DIP2C: variants seen among roughly 807,000 people sequenced by gnomAD.
DIP2C encodes disco-interacting protein 2 homolog C.
A neutral mutation model predicts 192.4 loss-of-function variants in DIP2C; 33 were observed. That is an observed-to-expected ratio of 0.17 (90% confidence interval 0.13 to 0.23). The LOEUF is 0.23. Ranked by LOEUF, DIP2C falls within the 10% of genes least tolerant of loss-of-function variation. The pLI is 1.00. For synonymous variants in DIP2C, 979 were observed against 864.1 expected, an observed-to-expected ratio of 1.13 and a Z score of -2.33; for missense variants, 1,537 against 2,110.1, an observed-to-expected ratio of 0.73 and a Z score of 5.32.
Position 651,126 on chromosome 10 carries a change from G to T in DIP2C, c.85+38368C>A, listed in dbSNP as rs771245430. The T allele has an allele frequency of 7.0e-6, 5 of 717,366 alleles. No individual in the cohort carries two copies. In the South Asian group the frequency reaches 7.4e-5, roughly 11 times the overall value. 44.4% of individuals were successfully genotyped at this position (717,366 alleles called of 1,614,324 possible). A position where few individuals can be genotyped will look rare whatever the true frequency, so the allele number is the denominator to read the frequency against. On this transcript the variant is annotated intron_variant, in intron 1 of 36. Coordinates refer to ENST00000280886, the MANE Select transcript of DIP2C (RefSeq NM_014974.3). This position sits in a 1 kb window ranked among gnomAD's most constrained non-coding sequence, Gnocchi z 4.1. The stretch of plus-strand genomic sequence containing the variant: ...TCCTGGCCAGCTCTCGCCACACTCA[G>T]TCAATGTCCACTGGGGGCCTCAGGG...
chr10:525,698 G>A (rs1267225500), intron 1 of DIP2C, among the ~76,000 whole-genome samples: 1 of 152,176 alleles, frequency 6.6e-6, no homozygotes, highest in Non-Finnish European at 1.5e-5. Context: ...CGTAGGTGGA[G>A]AAAGGAAGAC....
At chr10:286,000 T>C (rs1345692169) in intron 34 of DIP2C, among the ~76,000 whole-genome samples, 1 of 152,206 alleles carries the variant, frequency 6.6e-6, no homozygotes, top group Non-Finnish European at 1.5e-5. Flanking sequence ...AGAAACTCAG[T>C]CCATACACAT....
At chr10:452,588 G>A (rs1418450741) in intron 3 of DIP2C, among the ~76,000 whole-genome samples, 2 of 152,188 alleles carry the variant, frequency 1.3e-5, no homozygotes, top group Admixed American at 6.5e-5. Context: ...GCGATTAAAT[G>A]GACAGCGCTT....
chr10:363,184 G>A lies in DIP2C; in HGVS notation c.2592+13C>T, dbSNP rs369350395. The stretch of plus-strand genomic sequence containing the variant: ...GACACAGGGGACCAGTGCCCAGGGC[G>A]AGGGAGGGCAACCTGCAGCACACGG... On this transcript the variant is annotated intron_variant, in intron 21 of 36. Transcript: ENST00000280886. The surrounding 1 kb of genome is among the most constrained non-coding windows in gnomAD (Gnocchi z 5.4). 3.4e-5 allele frequency: 55 copies of A among 1,609,568 alleles called. No individual in the cohort carries two copies. The highest frequency in any genetic ancestry group is 1.5e-4 in the African/African-American group (11 of 74,830).
intron 1 of DIP2C, among the ~76,000 whole-genome samples, chr10:626,119 A>T (rs1854185153): frequency 1.3e-5 from 2 of 152,234 alleles, no homozygotes; most frequent in African/African-American, 4.8e-5. Flanking sequence ...GGACCACGAC[A>T]AAAGAAACGC....
chr10:363,447 C>T lies in DIP2C; in HGVS notation c.2478-136G>A, dbSNP rs1373524520. On this transcript the variant is annotated intron_variant, in intron 20 of 36. Transcript: ENST00000280886. This position sits in a 1 kb window ranked among gnomAD's most constrained non-coding sequence, Gnocchi z 5.4. ...CGACTTCAAAACGGCCGCTGTACTT[C>T]CGAATTTCCCCACACTCATCAGTAC... 4.2e-6 allele frequency: 3 copies of T among 706,324 alleles called. No individual in the cohort carries two copies. The Admixed American group carries it at 7.3e-5, about 17-fold the overall frequency. 43.8% of individuals were successfully genotyped at this position (706,324 alleles called of 1,614,324 possible). A position where few individuals can be genotyped will look rare whatever the true frequency, so the allele number is the denominator to read the frequency against.
intron 4 of DIP2C, among the ~76,000 whole-genome samples, chr10:438,591 A>C (rs1362586095): frequency 6.6e-6 from 1 of 151,772 alleles, no homozygotes; most frequent in Non-Finnish European, 1.5e-5. Context: ...CTTGGGCCCA[A>C]GTGATCCTCC....
chr10:464,500 T>C (rs2133395400), intron 3 of DIP2C, among the ~76,000 whole-genome samples: 1 of 152,192 alleles, frequency 6.6e-6, no homozygotes, highest in South Asian at 2.1e-4. Flanking sequence ...CAACAACAGA[T>C]GCTGGAGAGG....
In DIP2C at chr10:418,158, C is replaced by T. The variant is rs865824999; in HGVS notation, c.739+907G>A. Among the ~76,000 whole-genome samples, 139 of 52,256 alleles carry T rather than the reference C, an allele frequency of 2.7e-3. 3 individuals carry two copies. Among genetic ancestry groups the T allele is most frequent in the Middle Eastern group, 0.017 (2 of 118 alleles). The allele number at this position is 52,256 out of a possible 152,430, so 34.3% of individuals were successfully genotyped here. ...CTGTCCACCTGCACCTGTCAGAGCTCGGACAGGCCTCCCTGTCCACCTGCA... is the reference window on the plus strand; with the variant it reads ...CTGTCCACCTGCACCTGTCAGAGCTTGGACAGGCCTCCCTGTCCACCTGCA... On this transcript the variant is annotated intron_variant, in intron 6 of 36. Transcript: ENST00000280886.
At chr10:328,455 T>C (rs1957366426) in intron 30 of DIP2C, among the ~76,000 whole-genome samples, 1 of 152,222 alleles carries the variant, frequency 6.6e-6, no homozygotes. Context: ...ATGAAATGAA[T>C]ACGTAAATTG....
At chr10:649,506 G>C (rs1855723083) in intron 1 of DIP2C, among the ~76,000 whole-genome samples, 2 of 152,236 alleles carry the variant, frequency 1.3e-5, no homozygotes, top group Admixed American at 1.3e-4. Flanking sequence ...TATTGGAAAG[G>C]AGAAAACTAA....
At chr10:562,631 A>C (rs1207697135) in intron 1 of DIP2C, among the ~76,000 whole-genome samples, 1 of 152,270 alleles carries the variant, frequency 6.6e-6, no homozygotes, top group African/African-American at 2.4e-5. Context: ...ATTACGTGTT[A>C]AACATTAAAC....
chr10:362,254 G>A (rs894780794), intron 22 of DIP2C, among the ~76,000 whole-genome samples: 9 of 152,294 alleles, frequency 5.9e-5, no homozygotes, highest in African/African-American at 1.9e-4. Context: ...AGTAAGTTAC[G>A]TGCTGACGAC....
In DIP2C at chr10:689,415, A is replaced by T; in HGVS notation, c.85+79T>A. The T allele has an allele frequency of 3.7e-6, 3 of 820,160 alleles. No individual in the cohort carries two copies. The highest frequency in any genetic ancestry group is 3.0e-6 in the Non-Finnish European group (2 of 676,568). The allele number at this position is 820,160 out of a possible 1,614,324, so 50.8% of individuals were successfully genotyped here. A position where few individuals can be genotyped will look rare whatever the true frequency, so the allele number is the denominator to read the frequency against. On this transcript the variant is annotated intron_variant, in intron 1 of 36. Transcript: ENST00000280886. The surrounding 1 kb of genome is among the most constrained non-coding windows in gnomAD (Gnocchi z 6.1). ...CCGGGCCCGGCCCCCGCCCCGCCGC[A>T]GGCCCCGCGCCCCCAGCCCTCCGCG...
intron 1 of DIP2C, among the ~76,000 whole-genome samples, chr10:497,908 G>A (rs1844960229): frequency 6.6e-6 from 1 of 152,334 alleles, no homozygotes; most frequent in Admixed American, 6.5e-5. Context: ...GTCTGCCTCT[G>A]TTGCCTGTGC....
chr10:579,447 T>C (rs1850431376), intron 1 of DIP2C, among the ~76,000 whole-genome samples: 1 of 151,658 alleles, frequency 6.6e-6, no homozygotes, highest in Admixed American at 6.6e-5. Flanking sequence ...AACACATGTG[T>C]ACATGCATAG....
At chr10:326,595 C>T (rs576647412) in intron 31 of DIP2C, among the ~76,000 whole-genome samples, 113 of 152,348 alleles carry the variant, frequency 7.4e-4, no homozygotes, top group African/African-American at 2.6e-3. Context: ...TCTAAAATGC[C>T]ATTGCAGCAG....
intron 1 of DIP2C, among the ~76,000 whole-genome samples, chr10:486,749 C>T (rs1048585164): frequency 6.6e-6 from 1 of 152,202 alleles, no homozygotes; most frequent in Non-Finnish European, 1.5e-5. Flanking sequence ...GTTAAACACA[C>T]GCCTGTTTCT....
intron 1 of DIP2C, among the ~76,000 whole-genome samples, chr10:613,437 C>G (rs2131791806): frequency 6.6e-6 from 1 of 152,336 alleles, no homozygotes; most frequent in Non-Finnish European, 1.5e-5. Flanking sequence ...CAGCTGTGGA[C>G]ACAAGCCCAC....
Sources: gnomAD v4.1 joint callset for allele counts (sites outside exome capture counted in the v4.1 genomes callset) on GRCh38, gnomAD v4.1.1 for gene constraint, Gnocchi (gnomAD v3.1) non-coding constraint, MANE v1.5 for transcripts, NCBI Gene and HGNC (gene_info 2026-07-23, HGNC 2026-07-21) for gene names.